The following SLC25A21 variants were observed in gnomAD, a reference collection of about 807,000 sequenced individuals.
SLC25A21 encodes the protein mitochondrial 2-oxodicarboxylate carrier.
A neutral mutation model predicts 43.8 loss-of-function variants in SLC25A21; 47 were observed. That is an observed-to-expected ratio of 1.07 (90% CI 0.85 to 1.37). The LOEUF is 1.37. SLC25A21 is among the 40% of genes most tolerant of loss of function. The pLI is 0.00. For missense variants in SLC25A21, 352 were observed against 350.2 expected (o/e 1.00, Z -0.04); for synonymous variants, 131 against 121.3 (o/e 1.08, Z -0.52).
chr14:36,776,603 C>T (rs1316458118), intron 3 of SLC25A21, among the ~76,000 whole-genome samples: 1 of 152,024 alleles, frequency 6.6e-6, no homozygotes, highest in Non-Finnish European at 1.5e-5. Flanking sequence ...AGATTGATGC[C>T]TCCCCAACTG....
At chr14:37,033,035 G>C (rs1594761125) in intron 1 of SLC25A21, among the ~76,000 whole-genome samples, 1 of 152,158 alleles carries the variant, frequency 6.6e-6, no homozygotes, top group African/African-American at 2.4e-5. Context: ...CAGCTCAGTA[G>C]TGTTAAGTAG....
At chr14:36,998,230 T>G (rs1042193515) in intron 1 of SLC25A21, among the ~76,000 whole-genome samples, 19 of 152,126 alleles carry the variant, frequency 1.2e-4, no homozygotes, top group African/African-American at 4.1e-4. Context: ...CATTTCACAG[T>G]GAGGGATATA....
At chr14:36,780,438 A>T (rs1025890436) in intron 3 of SLC25A21, among the ~76,000 whole-genome samples, 3 of 151,602 alleles carry the variant, frequency 2.0e-5, no homozygotes, top group African/African-American at 7.3e-5. Flanking sequence ...TTTAATTGAG[A>T]TATTTCTTTT....
intron 3 of SLC25A21, among the ~76,000 whole-genome samples, chr14:36,798,697 C>T (rs868621048): frequency 6.6e-6 from 1 of 151,946 alleles, no homozygotes; most frequent in Non-Finnish European, 1.5e-5. Context: ...GAAAAGATGC[C>T]GATATCTTTT....
At chr14:37,008,436 G>C (rs747011270) in intron 1 of SLC25A21, among the ~76,000 whole-genome samples, 2 of 152,122 alleles carry the variant, frequency 1.3e-5, no homozygotes, top group Non-Finnish European at 2.9e-5. Context: ...CAAAGGAGGA[G>C]TTCCAGCCAT....
intron 2 of SLC25A21, among the ~76,000 whole-genome samples, chr14:36,815,508 C>G (rs993173544): frequency 6.6e-6 from 1 of 152,116 alleles, no homozygotes; most frequent in African/African-American, 2.4e-5. Flanking sequence ...GTTGATCATT[C>G]TGGGTAGTTC....
chr14:36,811,813 T>C (rs528819639), intron 3 of SLC25A21, among the ~76,000 whole-genome samples: 1 of 152,236 alleles, frequency 6.6e-6, no homozygotes, highest in Admixed American at 6.5e-5. Context: ...AATTATCAGC[T>C]GGATTAAAAA....
intron 3 of SLC25A21, among the ~76,000 whole-genome samples, chr14:36,745,675 A>T (rs1361284594): frequency 6.6e-6 from 1 of 152,080 alleles, no homozygotes; most frequent in African/African-American, 2.4e-5. Context: ...TCCTTTGCCT[A>T]CTTTTTGATG....
chr14:36,883,876 CA>C (rs1168413624), intron 1 of SLC25A21, among the ~76,000 whole-genome samples: 1 of 151,836 alleles, frequency 6.6e-6, no homozygotes, highest in Non-Finnish European at 1.5e-5. Context: ...TTATGGGGTA[CA>C]ATGTGATGTT....
chr14:36,683,218 G>A (rs909035635), intron 9 of SLC25A21, among the ~76,000 whole-genome samples: 3 of 152,212 alleles, frequency 2.0e-5, no homozygotes, highest in East Asian at 1.9e-4. Context: ...AGAGGCAGCC[G>A]ATTCTCCCTG....
chr14:36,789,049 T>C (rs548938025), intron 3 of SLC25A21, among the ~76,000 whole-genome samples: 27 of 152,368 alleles, frequency 1.8e-4, no homozygotes, highest in African/African-American at 6.3e-4. Context: ...TTGTTGTTTT[T>C]GTATTTTATT....
chr14:36,983,655 G>T (rs946635089), intron 1 of SLC25A21, among the ~76,000 whole-genome samples: 1 of 152,072 alleles, frequency 6.6e-6, no homozygotes, highest in Non-Finnish European at 1.5e-5. Flanking sequence ...CAAAGGAAAA[G>T]AAATAATTTC....
intron 1 of SLC25A21, among the ~76,000 whole-genome samples, chr14:37,055,661 C>G (rs1488712907): frequency 6.6e-6 from 1 of 152,128 alleles, no homozygotes; most frequent in African/African-American, 2.4e-5. Flanking sequence ...GACAGTCTAG[C>G]TGAGCCTAGT....
At chr14:37,039,431 C>T (rs1409919192) in intron 1 of SLC25A21, among the ~76,000 whole-genome samples, 1 of 152,166 alleles carries the variant, frequency 6.6e-6, no homozygotes, top group African/African-American at 2.4e-5. Context: ...CCCATTCCTG[C>T]TTCTCCCTAG....
intron 1 of SLC25A21, among the ~76,000 whole-genome samples, chr14:36,879,644 C>G (rs976752999): frequency 6.6e-6 from 1 of 152,070 alleles, no homozygotes; most frequent in African/African-American, 2.4e-5. Flanking sequence ...CAAGTACATG[C>G]CTTCGCCTGA....
At chr14:36,739,675 T>G (rs1420651565) in intron 3 of SLC25A21, among the ~76,000 whole-genome samples, 1 of 110,196 alleles carries the variant, frequency 9.1e-6, no homozygotes, top group Non-Finnish European at 1.8e-5. Context: ...AGACTCTGTC[T>G]AAAAAAAAAG....
intron 1 of SLC25A21, among the ~76,000 whole-genome samples, chr14:37,012,510 A>C (rs1056134546): frequency 6.6e-6 from 1 of 152,194 alleles, no homozygotes; most frequent in Non-Finnish European, 1.5e-5. Context: ...TAAATGCAGA[A>C]AGTAGGAAAT....
intron 7 of SLC25A21, among the ~76,000 whole-genome samples, chr14:36,698,240 C>T (rs1883125468): frequency 6.6e-6 from 1 of 152,162 alleles, no homozygotes; most frequent in African/African-American, 2.4e-5. Context: ...TGAATATTGG[C>T]TCCCACTCTC....
intron 1 of SLC25A21, among the ~76,000 whole-genome samples, chr14:36,891,672 T>C (rs1013487279): frequency 4.6e-5 from 7 of 152,136 alleles, no homozygotes; most frequent in Non-Finnish European, 7.4e-5. Context: ...CACAGCAAGA[T>C]GGCGTTTCCC....
Sources: gnomAD v4.1 joint callset for allele counts (sites outside exome capture counted in the v4.1 genomes callset) on GRCh38, gnomAD v4.1.1 for gene constraint, MANE v1.5 for transcripts, NCBI Gene and HGNC (gene_info 2026-07-23, HGNC 2026-07-21) for gene names.